The following ARID2 variants were observed in gnomAD, a reference collection of about 807,000 sequenced individuals.
The protein encoded by ARID2 is AT-rich interaction domain 2.
In ARID2, 32 loss-of-function variants were observed where a neutral mutation model predicts 184.6. That is an observed-to-expected ratio of 0.17 (90% CI 0.13 to 0.23). The LOEUF (loss-of-function observed/expected upper bound fraction) is 0.23, where lower values mean the gene tolerates loss of function less well. ARID2 is among the 10% of genes least tolerant of loss of function. The pLI, the probability that ARID2 is intolerant of heterozygous loss-of-function variation, is 1.00. For missense variants in ARID2, 1,696 were observed against 2,197.6 expected (o/e 0.77, Z 4.56); for synonymous variants, 836 against 772.6 (o/e 1.08, Z -1.36).
intron 11 of ARID2, chr12:45,842,276 CATACACACACATATGTGTGTGTATATAT>C (rs1943358963): frequency 2.7e-5 from 4 of 149,236 alleles, no homozygotes; most frequent in Non-Finnish European, 5.9e-5. Flanking sequence ...CATATATACA[CATACACACACATATGTGTGTGTATATAT>C]ATACACACAT....
At chr12:45,796,006 G>A (rs886285421) in intron 3 of ARID2, among the ~76,000 whole-genome samples, 7 of 151,870 alleles carry the variant, frequency 4.6e-5, no homozygotes, top group African/African-American at 7.3e-5. Flanking sequence ...TACTGTACTC[G>A]TTTTAGATAT....
chr12:45,907,664 A>T lies in ARID2; in HGVS notation c.*2586A>T, dbSNP rs1004869243. 4.3e-6 allele frequency: 1 copy of T among 233,086 alleles called. No individual in the cohort carries two copies. Among genetic ancestry groups the T allele is most frequent in the Non-Finnish European group, 8.5e-6 (1 of 117,788 alleles). The allele number at this position is 233,086 out of a possible 1,614,324, so 14.4% of individuals were successfully genotyped here. A position where few individuals can be genotyped will look rare whatever the true frequency, so the allele number is the denominator to read the frequency against. ...TCTGCAAAACCCTCTCATTCATGAA[A>T]AGGTGCTCCTTGCTAGACAGAAACT... On this transcript the variant is annotated 3_prime_UTR_variant, in exon 21 of 21. Coordinates refer to ENST00000334344, the MANE Select transcript of ARID2 (RefSeq NM_152641.4).
chr12:45,884,172 A>G (rs183614685), intron 16 of ARID2, among the ~76,000 whole-genome samples: 1 of 152,258 alleles, frequency 6.6e-6, no homozygotes, highest in East Asian at 1.9e-4. Context: ...TGAGGTGTGC[A>G]GATTGCTTGA....
intron 3 of ARID2, among the ~76,000 whole-genome samples, chr12:45,796,109 CTAAG>C (rs926829843): frequency 3.3e-5 from 5 of 152,032 alleles, no homozygotes; most frequent in South Asian, 2.1e-4. Context: ...TATATCTTAA[CTAAG>C]TTTTTCTCCT....
At chr12:45,831,482 T>TG (rs996653930) in intron 6 of ARID2, among the ~76,000 whole-genome samples, 1 of 152,202 alleles carries the variant, frequency 6.6e-6, no homozygotes, top group African/African-American at 2.4e-5. Context: ...TCAGGGTAAA[T>TG]GGGGTATTCT....
At chr12:45,817,931 G>GT (rs373592222) in intron 5 of ARID2, 43 bp downstream of exon 5, 35,270 of 1,233,672 alleles carry the variant, frequency 0.029, no homozygotes, top group South Asian at 0.04. Context: ...TTCTGTAAAA[G>GT]TTTTTTTTTT....
At position 45,855,363 on chromosome 12, in the gene ARID2, A is replaced by G. The variant is rs139044303; in HGVS notation, c.4773+2467A>G. On this transcript the variant is annotated intron_variant, in intron 15 of 20. Coordinates refer to ENST00000334344, the MANE Select transcript of ARID2 (RefSeq NM_152641.4). ...TTTATTTAAAATAGGTACATTCTTT[A>G]TTTCTAAAACTGATATTTGGTTGTC... 5.4e-3 allele frequency among the ~76,000 whole-genome samples: 817 copies of G among 152,326 alleles called. 6 individuals carry two copies. The highest frequency in any genetic ancestry group is 9.4e-3 in the Admixed American group (144 of 15,310).
chr12:45,766,627 C>T (rs1941774589), intron 3 of ARID2, among the ~76,000 whole-genome samples: 1 of 151,840 alleles, frequency 6.6e-6, no homozygotes, highest in Admixed American at 6.6e-5. Flanking sequence ...CCTTCTCCTG[C>T]CTCAGCCTCC....
chr12:45,805,822 C>T (rs73097309), intron 3 of ARID2, among the ~76,000 whole-genome samples: 22,505 of 152,076 alleles, frequency 0.15, 2,011 homozygotes, highest in Admixed American at 0.21. Context: ...AGTATTGTTA[C>T]CTAAAATCCC....
intron 16 of ARID2, among the ~76,000 whole-genome samples, chr12:45,873,791 GA>G (rs1943963762): frequency 6.6e-6 from 1 of 152,184 alleles, no homozygotes; most frequent in Admixed American, 6.5e-5. Context: ...AGATGCTAAT[GA>G]TCATCTGAAC....
At position 45,851,340 on chromosome 12, in the gene ARID2, C is replaced by G. The variant is rs748677570; in HGVS notation, c.3217C>G (p.Pro1073Ala). 2 of 1,614,002 alleles carry G rather than the reference C, an allele frequency of 1.2e-6. No homozygotes were observed. The highest frequency in any genetic ancestry group is 1.7e-6 in the Non-Finnish European group (2 of 1,180,024). ...GCTTCCGAAACGTGGTCCTTCAACA[C>G]CAGGTGGTAAGCTTATTCTCCCAGC... ...LLLPKRGPST[P>A]GGKLILPAPQ... The change falls in exon 15 of 21, where the codon CCA becomes GCA. Residue 1073 changes from proline (P) to alanine (A), a missense_variant. Physicochemically the swap from Pro to Ala is conservative, Grantham distance 27. Transcript: ENST00000334344.
rs1221566317 is a variant in ARID2, at chr12:45,852,391, T to G, written c.4268T>G (p.Leu1423Trp). The G allele has an allele frequency of 3.1e-6, 5 of 1,614,036 alleles. No individual in the cohort carries two copies. The South Asian group carries it at 5.5e-5, about 18-fold the overall frequency. Residue 1423 changes from leucine (L) to tryptophan (W), a missense_variant, in exon 15 of 21, where the codon TTG becomes TGG. Leu to Trp is a moderately conservative substitution (Grantham distance 61). Around this residue, in one of 11 missense-constraint regions of ARID2, gnomAD observed 428 missense variants for 409.1 expected, o/e 1.05. Coordinates refer to ENST00000334344, the MANE Select transcript of ARID2 (RefSeq NM_152641.4). ...ATTTCTAATGGACCTGTATTAACTT[T>G]GGGTGGTTCATCTGTGAGCAGTATA... ...ERISNGPVLT[L>W]GGSSVSSIQE...
intron 3 of ARID2, among the ~76,000 whole-genome samples, chr12:45,792,569 C>A (rs886114462): frequency 6.6e-6 from 1 of 152,006 alleles, no homozygotes; most frequent in African/African-American, 2.4e-5. Context: ...AAAGCTGTAT[C>A]CTTACTGTGT....
chr12:45,802,478 T>C (rs1459602352), intron 3 of ARID2, among the ~76,000 whole-genome samples: 1 of 152,188 alleles, frequency 6.6e-6, no homozygotes. Flanking sequence ...ATTGCGTGAA[T>C]TTCTTTTAAA....
At chr12:45,838,601 C>T (rs972617590) in intron 10 of ARID2, among the ~76,000 whole-genome samples, 5 of 151,996 alleles carry the variant, frequency 3.3e-5, no homozygotes, top group Admixed American at 1.3e-4. Flanking sequence ...CTCATCTGTA[C>T]GAAAAATAAA....
At chr12:45,819,568 G>C (rs1942859586) in intron 5 of ARID2, among the ~76,000 whole-genome samples, 2 of 152,132 alleles carry the variant, frequency 1.3e-5, no homozygotes, top group South Asian at 4.1e-4. Context: ...TTAATTGAGA[G>C]AGAAATATAG....
At chr12:45,811,345 A>C (rs1436169061) in intron 3 of ARID2, 73 bp from the exon 4 acceptor site, 2 of 1,442,838 alleles carry the variant, frequency 1.4e-6, no homozygotes, top group Non-Finnish European at 1.9e-6. Flanking sequence ...AAGGAAAACA[A>C]ATATGTGGTG....
chr12:45,778,886 A>C (rs1942036028), intron 3 of ARID2, among the ~76,000 whole-genome samples: 1 of 151,984 alleles, frequency 6.6e-6, no homozygotes, highest in South Asian at 2.1e-4. Context: ...TGAACCTACC[A>C]CTCAAAAATA....
At chr12:45,819,799 A>G (rs908840578) in intron 5 of ARID2, among the ~76,000 whole-genome samples, 1 of 151,510 alleles carries the variant, frequency 6.6e-6, no homozygotes, top group Non-Finnish European at 1.5e-5. Context: ...GCTGGAATGC[A>G]GTGATGCAGT....
Sources: gnomAD v4.1 joint callset for allele counts (sites outside exome capture counted in the v4.1 genomes callset) on GRCh38, gnomAD v4.1.1 for gene constraint, gnomAD v4.1.1 regional missense constraint, MANE v1.5 for transcripts, NCBI Gene and HGNC (gene_info 2026-07-23, HGNC 2026-07-21) for gene names.